Variants in KCNQ5 observed in about 807,000 individuals in gnomAD.
The protein encoded by KCNQ5 is potassium voltage-gated channel subfamily Q member 5, also known as potassium voltage-gated channel subfamily KQT member 5.
In KCNQ5, 30 loss-of-function variants were observed where a neutral mutation model predicts 98.2. The ratio of observed to expected loss-of-function variants is 0.31; its 90% CI spans 0.23 to 0.41. The LOEUF is 0.41. Among genes scored for constraint, KCNQ5 ranks in the 10% least tolerant of loss-of-function variants. KCNQ5 has a pLI of 1.00. For synonymous variants in KCNQ5, 458 were observed against 449.4 expected, an observed-to-expected ratio of 1.02 and a Z score of -0.24; for missense variants, 835 against 1,182.5, an observed-to-expected ratio of 0.71 and a Z score of 4.31.
intron 1 of KCNQ5, among the ~76,000 whole-genome samples, chr6:72,780,318 A>G (rs535520297): frequency 4.3e-4 from 66 of 152,212 alleles, no homozygotes; most frequent in Non-Finnish European, 4.6e-4. Context: ...AGAATTGATA[A>G]GACATTTTGC....
chr6:72,702,837 AT>A (rs1271457921), intron 1 of KCNQ5, among the ~76,000 whole-genome samples: 11 of 152,186 alleles, frequency 7.2e-5, no homozygotes, highest in African/African-American at 2.7e-4. Context: ...ATTCATATTT[AT>A]TATCATTCTG....
intron 1 of KCNQ5, among the ~76,000 whole-genome samples, chr6:72,786,136 A>G (rs1315058557): frequency 1.3e-5 from 2 of 152,134 alleles, no homozygotes; most frequent in Non-Finnish European, 2.9e-5. Context: ...GATATGTTAT[A>G]CTCTTTTTTT....
At chr6:72,677,502 A>G (rs1767473960) in intron 1 of KCNQ5, among the ~76,000 whole-genome samples, 1 of 152,222 alleles carries the variant, frequency 6.6e-6, no homozygotes, top group Admixed American at 6.5e-5. Context: ...CTGCTGTCAC[A>G]GAGAATAAAT....
intron 1 of KCNQ5, among the ~76,000 whole-genome samples, chr6:72,824,730 A>G (rs993969628): frequency 1.3e-5 from 2 of 152,050 alleles, no homozygotes; most frequent in Admixed American, 6.6e-5. Flanking sequence ...AGCTTGATAT[A>G]TATGATTCCA....
chr6:73,004,238 CA>C (rs1329576502), intron 2 of KCNQ5, among the ~76,000 whole-genome samples: 2 of 152,086 alleles, frequency 1.3e-5, no homozygotes, highest in Middle Eastern at 3.2e-3. Context: ...GTAGATATAT[CA>C]TAAATAGAAG....
At chr6:72,653,944 T>C (rs2154472520) in intron 1 of KCNQ5, among the ~76,000 whole-genome samples, 1 of 152,186 alleles carries the variant, frequency 6.6e-6, no homozygotes, top group South Asian at 2.1e-4. Context: ...CATCTTCTCA[T>C]TGAGTTACTT....
chr6:72,805,757 A>G (rs530352888), intron 1 of KCNQ5, among the ~76,000 whole-genome samples: 1 of 152,194 alleles, frequency 6.6e-6, no homozygotes, highest in African/African-American at 2.4e-5. Context: ...GACTGCTTTA[A>G]GTAGCATGAA....
In KCNQ5 at chr6:72,622,327, G is replaced by T. The variant is rs1360854254; in HGVS notation, c.138G>T (p.Val46=). ...MKDVESGRGR[V]LLNSAAARGD... is the part of the protein sequence containing the mutation. ...ATGTGGAGTCCGGCCGGGGCAGGGTGCTGCTGAACTCGGCAGCCGCCAGGG... is the reference window on the plus strand; with the variant it reads ...ATGTGGAGTCCGGCCGGGGCAGGGTTCTGCTGAACTCGGCAGCCGCCAGGG... Residue 46 remains valine, a synonymous_variant, in exon 1 of 14, where the codon GTG becomes GTT. Transcript: ENST00000370398. This position sits in a 1 kb window ranked among gnomAD's most constrained non-coding sequence, Gnocchi z 6.0. The T allele has an allele frequency of 7.1e-7, 1 of 1,416,672 alleles. No homozygotes were observed. 87.8% of individuals were successfully genotyped at this position (1,416,672 alleles called of 1,614,324 possible).
chr6:72,853,646 G>T (rs1777390960), intron 1 of KCNQ5, among the ~76,000 whole-genome samples: 2 of 152,192 alleles, frequency 1.3e-5, no homozygotes, highest in African/African-American at 4.8e-5. Context: ...CTTCTGTGGG[G>T]CAGCCCTGGC....
chr6:73,118,684 C>G (rs1775611270), intron 7 of KCNQ5, among the ~76,000 whole-genome samples: 1 of 152,146 alleles, frequency 6.6e-6, no homozygotes, highest in African/African-American at 2.4e-5. Flanking sequence ...ATGGATTTCA[C>G]AATCATGACT....
chr6:72,766,033 T>A (rs911371257), intron 1 of KCNQ5, among the ~76,000 whole-genome samples: 1 of 152,066 alleles, frequency 6.6e-6, no homozygotes, highest in Non-Finnish European at 1.5e-5. Context: ...TGCCTTTATG[T>A]GGCTTATATT....
At chr6:73,007,640 C>A (rs1299955597) in intron 2 of KCNQ5, among the ~76,000 whole-genome samples, 2 of 152,182 alleles carry the variant, frequency 1.3e-5, no homozygotes, top group Non-Finnish European at 2.9e-5. Context: ...TACGCCCAGG[C>A]CCATTGCAGG....
At chr6:72,644,782 T>A (rs1765502795) in intron 1 of KCNQ5, among the ~76,000 whole-genome samples, 1 of 152,108 alleles carries the variant, frequency 6.6e-6, no homozygotes, top group Non-Finnish European at 1.5e-5. Context: ...CTCTGTCTCC[T>A]CCTTTTCTCC....
intron 1 of KCNQ5, among the ~76,000 whole-genome samples, chr6:72,943,135 C>T (rs1465111674): frequency 6.6e-6 from 1 of 152,098 alleles, no homozygotes; most frequent in Non-Finnish European, 1.5e-5. Flanking sequence ...ATTTTCTCAC[C>T]CTTTTTTAAA....
chr6:73,051,023 T>C (rs1772209955), intron 3 of KCNQ5, among the ~76,000 whole-genome samples: 1 of 152,238 alleles, frequency 6.6e-6, no homozygotes, highest in Admixed American at 6.5e-5. Flanking sequence ...CTATTACAAA[T>C]AAGGCAGCTA....
chr6:72,876,935 A>G (rs559605551), intron 1 of KCNQ5, among the ~76,000 whole-genome samples: 264 of 152,298 alleles, frequency 1.7e-3, no homozygotes, highest in Non-Finnish European at 3.2e-3. Context: ...GATCACTGGG[A>G]TGGGACCTTC....
chr6:72,850,051 T>G (rs1289487670), intron 1 of KCNQ5, among the ~76,000 whole-genome samples: 2 of 152,192 alleles, frequency 1.3e-5, no homozygotes, highest in African/African-American at 4.8e-5. Flanking sequence ...CCTTGCACAC[T>G]TAGTCAATTT....
intron 3 of KCNQ5, among the ~76,000 whole-genome samples, chr6:73,053,673 C>T (rs774802991): frequency 6.6e-6 from 1 of 152,102 alleles, no homozygotes; most frequent in Non-Finnish European, 1.5e-5. Flanking sequence ...ATACTACATA[C>T]CAGAATCTCT....
intron 1 of KCNQ5, among the ~76,000 whole-genome samples, chr6:72,627,222 GC>G (rs1223131566): frequency 6.6e-6 from 1 of 152,172 alleles, no homozygotes; most frequent in Admixed American, 6.5e-5. Flanking sequence ...AGCTTTGAAA[GC>G]CTCTGTCAGT....
Sources: allele counts gnomAD v4.1 joint callset (sites outside exome capture counted in the v4.1 genomes callset), GRCh38; gene constraint gnomAD v4.1.1; non-coding constraint Gnocchi (gnomAD v3.1); transcripts MANE v1.5; gene names NCBI Gene and HGNC (gene_info 2026-07-23, HGNC 2026-07-21).